KLHL29: variants seen among roughly 807,000 people sequenced by gnomAD.
KLHL29 encodes kelch like family member 29, also known as kelch-like protein 29.
KLHL29 carries 21 observed loss-of-function variants against 80.4 expected under a neutral mutation model. That is an observed-to-expected ratio of 0.26 (90% confidence interval 0.19 to 0.38). The LOEUF (loss-of-function observed/expected upper bound fraction) is 0.38, where lower values mean the gene tolerates loss of function less well. KLHL29 is among the 10% of genes least tolerant of loss of function. KLHL29 has a pLI of 1.00. For synonymous variants in KLHL29, 511 were observed against 526.8 expected, an observed-to-expected ratio of 0.97 and a Z score of 0.41; for missense variants, 867 against 1,223.9, an observed-to-expected ratio of 0.71 and a Z score of 4.35.
At chr2:23,633,986 T>A (rs1478380042) in intron 3 of KLHL29, among the ~76,000 whole-genome samples, 1 of 152,172 alleles carries the variant, frequency 6.6e-6, no homozygotes, top group Non-Finnish European at 1.5e-5. Context: ...TTAACAGGGA[T>A]GGGAGCGAGA....
chr2:23,594,228 G>A (rs1033975829), intron 3 of KLHL29, among the ~76,000 whole-genome samples: 4 of 152,166 alleles, frequency 2.6e-5, no homozygotes, highest in South Asian at 2.1e-4. Flanking sequence ...CCGGGGAGTC[G>A]CTGGCTTCAT....
At chr2:23,456,150 C>T in intron 1 of KLHL29, among the ~76,000 whole-genome samples, 1 of 152,156 alleles carries the variant, frequency 6.6e-6, no homozygotes, top group South Asian at 2.1e-4. Flanking sequence ...TTATGGCAGC[C>T]CTAGCAAATT....
intron 1 of KLHL29, among the ~76,000 whole-genome samples, chr2:23,461,247 A>G (rs1664201214): frequency 6.6e-6 from 1 of 152,206 alleles, no homozygotes; most frequent in Non-Finnish European, 1.5e-5. Context: ...CTTGCTTGAC[A>G]TTACGTGAGT....
intron 5 of KLHL29, among the ~76,000 whole-genome samples, chr2:23,678,773 A>T (rs1670990884): frequency 6.6e-6 from 1 of 152,200 alleles, no homozygotes; most frequent in African/African-American, 2.4e-5. Flanking sequence ...ATGTGGGTGA[A>T]CCTTAAGGAC....
In KLHL29 at chr2:23,654,701, G is replaced by GC. The variant is rs367717057; in HGVS notation, c.940+11851_940+11852insC. Among the ~76,000 whole-genome samples, 2 of 117,940 alleles carry GC rather than the reference G, an allele frequency of 1.7e-5. 1 individual carries two copies. The highest frequency in any genetic ancestry group is 3.8e-5 in the Non-Finnish European group (2 of 52,258). The allele number at this position is 117,940 out of a possible 152,430, so 77.4% of individuals were successfully genotyped here. On this transcript the variant is annotated intron_variant, in intron 5 of 13. Coordinates refer to ENST00000486442, the MANE Select transcript of KLHL29 (RefSeq NM_052920.2). ...TTCCAGAAGGGAACAGAGGTTGGGG[G>GC]GGGGGGGTGGATGTTTTGTATGTGC...
At chr2:23,576,324 AC>A (rs1276998630) in intron 3 of KLHL29, among the ~76,000 whole-genome samples, 3 of 142,244 alleles carry the variant, frequency 2.1e-5, no homozygotes, top group South Asian at 4.6e-4. Context: ...AAAAAAAAAA[AC>A]GAAATATGCT....
intron 5 of KLHL29, among the ~76,000 whole-genome samples, chr2:23,646,652 C>T (rs1033361431): frequency 6.6e-6 from 1 of 152,168 alleles, no homozygotes; most frequent in Non-Finnish European, 1.5e-5. Context: ...GATGGTTCAG[C>T]CCCTTCCTTT....
rs111987548 is a variant in KLHL29 at position 23,475,009 on chromosome 2, T to TA, written c.-153-536dup. On this transcript the variant is annotated intron_variant, in intron 1 of 13. Coordinates refer to ENST00000486442, the MANE Select transcript of KLHL29 (RefSeq NM_052920.2). ...TCTCCTAGGTATTAAATCTATAATTTAAAAAAAAAAAAAAATTCTCCCCAG... is the reference window on the plus strand; with the variant it reads ...TCTCCTAGGTATTAAATCTATAATTTAAAAAAAAAAAAAAAATTCTCCCCAG... Among the ~76,000 whole-genome samples, 126 of 141,636 alleles carry TA rather than the reference T, an allele frequency of 8.9e-4. 1 individual carries two copies. Among genetic ancestry groups the TA allele is most frequent in the East Asian group, 1.8e-3 (9 of 4,906 alleles). The allele number at this position is 141,636 out of a possible 152,430, so 92.9% of individuals were successfully genotyped here. A position where few individuals can be genotyped will look rare whatever the true frequency, so the allele number is the denominator to read the frequency against.
At chr2:23,529,768 G>T (rs551827075) in intron 2 of KLHL29, among the ~76,000 whole-genome samples, 2 of 152,298 alleles carry the variant, frequency 1.3e-5, no homozygotes, top group African/African-American at 2.4e-5. Flanking sequence ...CTGGCTCTGG[G>T]GTTCATGGAG....
chr2:23,660,589 G>C (rs1670377177), intron 5 of KLHL29, among the ~76,000 whole-genome samples: 1 of 152,228 alleles, frequency 6.6e-6, no homozygotes, highest in African/African-American at 2.4e-5. Context: ...AAAGGGACAA[G>C]GGGCACAGAT....
chr2:23,564,803 C>T (rs1399937347), intron 3 of KLHL29, among the ~76,000 whole-genome samples: 3 of 152,224 alleles, frequency 2.0e-5, no homozygotes, highest in Non-Finnish European at 2.9e-5. Context: ...GAGCTCACGG[C>T]TCCTTGTGTA....
chr2:23,675,868 T>G (rs960369979), intron 5 of KLHL29, among the ~76,000 whole-genome samples: 6 of 152,186 alleles, frequency 3.9e-5, no homozygotes, highest in Admixed American at 6.5e-5. Flanking sequence ...TTTCAAATAG[T>G]TCCAGTGGAT....
At chr2:23,627,764 C>T (rs1669354766) in intron 3 of KLHL29, among the ~76,000 whole-genome samples, 3 of 152,080 alleles carry the variant, frequency 2.0e-5, no homozygotes, top group Admixed American at 2.0e-4. Context: ...TCAGTCGACT[C>T]CATGCTCTGG....
At chr2:23,645,531 C>T (rs1369882750) in intron 5 of KLHL29, among the ~76,000 whole-genome samples, 1 of 152,190 alleles carries the variant, frequency 6.6e-6, no homozygotes, top group Non-Finnish European at 1.5e-5. Flanking sequence ...TAAGATCCAC[C>T]ATGCAATGCC....
intron 3 of KLHL29, among the ~76,000 whole-genome samples, chr2:23,623,082 G>T (rs1171528757): frequency 6.6e-6 from 1 of 152,164 alleles, no homozygotes; most frequent in Non-Finnish European, 1.5e-5. Context: ...GACAAGAGCT[G>T]GTCACAGGTG....
intron 2 of KLHL29, among the ~76,000 whole-genome samples, chr2:23,513,889 CT>C (rs1665850665): frequency 6.6e-6 from 1 of 152,192 alleles, no homozygotes; most frequent in African/African-American, 2.4e-5. Context: ...ACACATAGGC[CT>C]TATTTTTAAA....
At chr2:23,386,183 C>G (rs1666177380) in intron 1 of KLHL29, among the ~76,000 whole-genome samples, 1 of 151,982 alleles carries the variant, frequency 6.6e-6, no homozygotes, top group African/African-American at 2.4e-5. Context: ...GGGCCCCGGC[C>G]GGGCAGGAGA....
chr2:23,432,767 G>T (rs1298865424), intron 1 of KLHL29, among the ~76,000 whole-genome samples: 3 of 152,230 alleles, frequency 2.0e-5, no homozygotes, highest in Non-Finnish European at 2.9e-5. Context: ...TGCCCCTGAG[G>T]CTGGAAAGGC....
chr2:23,535,566 T>A (rs1330431583), intron 2 of KLHL29, among the ~76,000 whole-genome samples: 3 of 152,188 alleles, frequency 2.0e-5, no homozygotes, highest in Non-Finnish European at 2.9e-5. Context: ...TATCTAGCCT[T>A]AAAAAGAAAG....
Sources: allele counts gnomAD v4.1 joint callset (sites outside exome capture counted in the v4.1 genomes callset), GRCh38; gene constraint gnomAD v4.1.1; transcripts MANE v1.5; gene names NCBI Gene and HGNC (gene_info 2026-07-23, HGNC 2026-07-21).